ZBTB8A: variants seen among roughly 807,000 people sequenced by gnomAD.
The protein encoded by ZBTB8A is zinc finger and BTB domain-containing protein 8A.
ZBTB8A carries 19 observed loss-of-function variants against 37.8 expected under a neutral mutation model. The ratio of observed to expected loss-of-function variants is 0.50; its 90% confidence interval spans 0.35 to 0.74. The LOEUF (loss-of-function observed/expected upper bound fraction) is 0.74, where lower values mean the gene tolerates loss of function less well. Among genes scored for constraint, ZBTB8A ranks in the 30% least tolerant of loss-of-function variants. ZBTB8A has a pLI of 0.01. For missense variants in ZBTB8A, 394 were observed against 537.8 expected, an observed-to-expected ratio of 0.73 and a Z score of 2.65; for synonymous variants, 181 against 185.2, an observed-to-expected ratio of 0.98 and a Z score of 0.19.
In ZBTB8A at chr1:32,595,128, C is replaced by T; in HGVS notation, c.898C>T (p.His300Tyr). The part of the protein sequence containing the change: ...VVKRKADLKR[H>Y]LRCHTGERPY... ...GAAGCGGAAGGCAGACCTAAAGCGC[C>T]ACCTTCGTTGTCATACAGGAGAAAG... The change falls in exon 4 of 5, where the codon CAC becomes TAC. Residue 300 changes from histidine (H) to tyrosine (Y), a missense_variant. His to Tyr is a moderately conservative substitution (Grantham distance 83). Around this residue, in one of 4 missense-constraint regions of ZBTB8A, gnomAD observed 42 missense variants for 96.4 expected, o/e 0.44. Transcript: ENST00000373510. 6.2e-7 allele frequency: 1 copy of T among 1,614,196 alleles called. No homozygotes were observed.
intron 1 of ZBTB8A, among the ~76,000 whole-genome samples, chr1:32,548,906 G>T (rs747724335): frequency 1.3e-5 from 2 of 152,056 alleles, no homozygotes; most frequent in African/African-American, 2.4e-5. Flanking sequence ...GAAATACCTG[G>T]CCGGGGCCAG....
chr1:32,600,033 A>G, intron 4 of ZBTB8A, 54 bp from the exon 5 acceptor site: 2 of 1,461,098 alleles, frequency 1.4e-6, no homozygotes, highest in Non-Finnish European at 1.9e-6. Context: ...CTAAAATATC[A>G]AACTGTCCTG....
At chr1:32,586,800 G>C (rs574704192) in intron 2 of ZBTB8A, among the ~76,000 whole-genome samples, 21 of 152,166 alleles carry the variant, frequency 1.4e-4, no homozygotes, top group African/African-American at 5.1e-4. Context: ...GATCATATAG[G>C]GCCTTTTAGG....
intron 2 of ZBTB8A, among the ~76,000 whole-genome samples, chr1:32,575,020 C>T (rs1310691721): frequency 6.6e-6 from 1 of 152,028 alleles, no homozygotes; most frequent in Admixed American, 6.6e-5. Flanking sequence ...AGTAGTTCTC[C>T]CACTTTGGCC....
chr1:32,556,796 G>GA (rs1458212252), intron 2 of ZBTB8A, among the ~76,000 whole-genome samples: 1 of 151,972 alleles, frequency 6.6e-6, no homozygotes, highest in Non-Finnish European at 1.5e-5. Flanking sequence ...AGAATCATTT[G>GA]AACCTGGGAG....
chr1:32,566,782 A>G (rs1352748317), intron 2 of ZBTB8A, among the ~76,000 whole-genome samples: 1 of 152,162 alleles, frequency 6.6e-6, no homozygotes, highest in Non-Finnish European at 1.5e-5. Flanking sequence ...AGTTATGTGA[A>G]GATCCTTCAC....
chr1:32,588,480 C>A (rs1644464768), intron 2 of ZBTB8A, among the ~76,000 whole-genome samples: 1 of 151,676 alleles, frequency 6.6e-6, no homozygotes, highest in South Asian at 2.1e-4. Context: ...CAATACATTC[C>A]AAAATTTGGA....
At chr1:32,582,038 T>G (rs1644410945) in intron 2 of ZBTB8A, among the ~76,000 whole-genome samples, 1 of 152,094 alleles carries the variant, frequency 6.6e-6, no homozygotes, top group Non-Finnish European at 1.5e-5. Flanking sequence ...TTAAGCATTA[T>G]TTATCATATC....
intron 2 of ZBTB8A, among the ~76,000 whole-genome samples, chr1:32,578,157 C>A (rs149646743): frequency 6.6e-6 from 1 of 151,674 alleles, no homozygotes. Flanking sequence ...CTCTACCTCC[C>A]GGGTTCAAGC....
intron 2 of ZBTB8A, among the ~76,000 whole-genome samples, chr1:32,581,259 ATATT>A (rs1267385194): frequency 2.1e-5 from 2 of 93,346 alleles, no homozygotes; most frequent in Non-Finnish European, 4.0e-5. Context: ...ATATAGATAT[ATATT>A]AATATAATAA....
intron 3 of ZBTB8A, among the ~76,000 whole-genome samples, chr1:32,594,126 G>A (rs1039517424): frequency 7.9e-5 from 12 of 151,446 alleles, no homozygotes; most frequent in Admixed American, 6.6e-4. Flanking sequence ...CCCGGGAGGC[G>A]GAGGTTGCAG....
At chr1:32,553,784 GC>G (rs1644176407) in intron 2 of ZBTB8A, among the ~76,000 whole-genome samples, 1 of 151,930 alleles carries the variant, frequency 6.6e-6, no homozygotes, top group African/African-American at 2.4e-5. Flanking sequence ...TACTTGGGAG[GC>G]TGAGGCAGGA....
chr1:32,604,685 G>A lies in ZBTB8A; in HGVS notation c.*4266G>A, dbSNP rs1644601518. ...TACGGCTAAGTACTGCCTAATGGAT[G>A]AAAGAAGTTTGGTGCTTCAATTATT... is the stretch of plus-strand genomic sequence containing the variant. On this transcript the variant is annotated 3_prime_UTR_variant, in exon 5 of 5. Transcript: ENST00000373510. 2 of 152,182 alleles carry A rather than the reference G, an allele frequency of 1.3e-5. No individual in the cohort carries two copies. Among genetic ancestry groups the A allele is most frequent in the South Asian group, 4.1e-4 (2 of 4,832 alleles). The allele number at this position is 152,182 out of a possible 1,614,324, so 9.4% of individuals were successfully genotyped here. A position where few individuals can be genotyped will look rare whatever the true frequency, so the allele number is the denominator to read the frequency against.
At chr1:32,557,237 G>A (rs541052930) in intron 2 of ZBTB8A, among the ~76,000 whole-genome samples, 1 of 152,286 alleles carries the variant, frequency 6.6e-6, no homozygotes, top group African/African-American at 2.4e-5. Context: ...GGGAGGCAGA[G>A]GTTGCAGTGA....
intron 2 of ZBTB8A, among the ~76,000 whole-genome samples, chr1:32,589,837 T>C (rs1488593522): frequency 6.7e-6 from 1 of 149,978 alleles, no homozygotes; most frequent in Non-Finnish European, 1.5e-5. Context: ...CAGGTGTGAG[T>C]CACCACGCCC....
intron 2 of ZBTB8A, among the ~76,000 whole-genome samples, chr1:32,575,452 C>A (rs1482542877): frequency 6.6e-6 from 1 of 151,266 alleles, no homozygotes; most frequent in Non-Finnish European, 1.5e-5. Flanking sequence ...GTCTCAAACT[C>A]CTGACTTCAT....
rs142186936 is a variant in ZBTB8A at position 32,547,732 on chromosome 1, C to T, written c.-83-5727C>T. On this transcript the variant is annotated intron_variant, in intron 1 of 4. Coordinates refer to ENST00000373510, the MANE Select transcript of ZBTB8A (RefSeq NM_001040441.3). Reference sequence around the variant, plus strand: ...CTGAGGTGGGAGGATCACCTGAGCCCGGGGAGGTCAAGGCTGCAGTGAGCT... The same window carrying T: ...CTGAGGTGGGAGGATCACCTGAGCCTGGGGAGGTCAAGGCTGCAGTGAGCT... 3.5e-4 allele frequency among the ~76,000 whole-genome samples: 51 copies of T among 144,762 alleles called. No individual in the cohort carries two copies. The East Asian group carries it at 8.1e-3, about 23-fold the overall frequency. The allele number at this position is 144,762 out of a possible 152,430, so 95.0% of individuals were successfully genotyped here.
intron 2 of ZBTB8A, among the ~76,000 whole-genome samples, chr1:32,574,858 G>T (rs914478737): frequency 2.0e-5 from 3 of 152,128 alleles, no homozygotes; most frequent in African/African-American, 7.2e-5. Flanking sequence ...GTTCACTGCA[G>T]ACTTGACCTC....
chr1:32,592,464 C>T (rs986597838), intron 2 of ZBTB8A, among the ~76,000 whole-genome samples: 1 of 151,826 alleles, frequency 6.6e-6, no homozygotes, highest in African/African-American at 2.4e-5. Flanking sequence ...CACTTGAAAC[C>T]AGGAGTTCAA....
Sources: allele counts gnomAD v4.1 joint callset (sites outside exome capture counted in the v4.1 genomes callset), GRCh38; gene constraint gnomAD v4.1.1; regional missense constraint gnomAD v4.1.1; transcripts MANE v1.5; gene names NCBI Gene and HGNC (gene_info 2026-07-23, HGNC 2026-07-21).